The following SLC9A2 variants were observed in gnomAD, a reference collection of about 807,000 sequenced individuals.
SLC9A2 encodes the protein solute carrier family 9 member A2, also known as sodium/hydrogen exchanger 2.
SLC9A2 carries 42 observed loss-of-function variants against 71.7 expected under a neutral mutation model. That is an observed-to-expected ratio of 0.59 (90% confidence interval 0.46 to 0.76). SLC9A2 has a LOEUF of 0.76. Ranked by LOEUF, SLC9A2 falls within the 30% of genes least tolerant of loss-of-function variation. The probability of loss-of-function intolerance (pLI) is 0.00; values close to 1 mark genes in which losing one functional copy is unlikely to be tolerated. For synonymous variants in SLC9A2, 396 were observed against 392.5 expected (o/e 1.01, Z -0.10); for missense variants, 829 against 1,017.4 (o/e 0.81, Z 2.52).
At chr2:102,652,396 C>T (rs541433218) in intron 1 of SLC9A2, among the ~76,000 whole-genome samples, 4 of 152,246 alleles carry the variant, frequency 2.6e-5, no homozygotes, top group South Asian at 4.1e-4. Context: ...CCAAGCACCT[C>T]GTAACCAGGC....
At chr2:102,684,407 T>A in intron 5 of SLC9A2, 71 bp downstream of exon 5, 1 of 1,385,100 alleles carries the variant, frequency 7.2e-7, no homozygotes. Flanking sequence ...GTTTACAGGA[T>A]GCAAAGTAGC....
At chr2:102,626,558 C>A (rs1278510609) in intron 1 of SLC9A2, among the ~76,000 whole-genome samples, 3 of 152,100 alleles carry the variant, frequency 2.0e-5, no homozygotes, top group Admixed American at 1.3e-4. Flanking sequence ...CAACAAAAGC[C>A]AAAATTGACA....
At chr2:102,628,999 CTA>C (rs1290558688) in intron 1 of SLC9A2, among the ~76,000 whole-genome samples, 1 of 152,002 alleles carries the variant, frequency 6.6e-6, no homozygotes, top group Non-Finnish European at 1.5e-5. Context: ...TGTGTATTCT[CTA>C]TTTATTGTGT....
At chr2:102,704,522 C>A in intron 9 of SLC9A2, 22 bp from the exon 10 acceptor site, 1 of 1,606,638 alleles carries the variant, frequency 6.2e-7, no homozygotes, top group South Asian at 1.1e-5. Flanking sequence ...TTTTTAATGT[C>A]CTCTATATGT....
Position 102,704,646 on chromosome 2 carries a change from A to C in SLC9A2, c.1948A>C (p.Lys650Gln). 1 of 1,613,122 alleles carries C rather than the reference A, an allele frequency of 6.2e-7. No homozygotes were observed. The highest frequency in any genetic ancestry group is 8.5e-7 in the Non-Finnish European group (1 of 1,179,342). Reference protein sequence around the residue: ...RRHSLRESIRKDSSLNREHRA... With the variant: ...RRHSLRESIRQDSSLNREHRA... ...ACACAGTTTGCGAGAAAGCATTAGGAAGGACAGCAGCTTGAATCGAGAACA... is the reference window on the plus strand; with the variant it reads ...ACACAGTTTGCGAGAAAGCATTAGGCAGGACAGCAGCTTGAATCGAGAACA... Residue 650 changes from lysine (K) to glutamine (Q), a missense_variant, in exon 10 of 12, where the codon AAG (lysine) becomes CAG (glutamine). Transcript: ENST00000233969.
chr2:102,627,122 C>G (rs1307836823), intron 1 of SLC9A2, among the ~76,000 whole-genome samples: 1 of 141,830 alleles, frequency 7.1e-6, no homozygotes, highest in Non-Finnish European at 1.5e-5. Context: ...CCAATCTCTT[C>G]AAAATGTTAA....
chr2:102,646,336 C>T (rs755158251), intron 1 of SLC9A2, among the ~76,000 whole-genome samples: 1 of 152,120 alleles, frequency 6.6e-6, no homozygotes, highest in Non-Finnish European at 1.5e-5. Flanking sequence ...CAGTACAGGC[C>T]ACTGCAAAAA....
At chr2:102,686,025 C>T (rs184564420) in intron 5 of SLC9A2, among the ~76,000 whole-genome samples, 22 of 152,174 alleles carry the variant, frequency 1.4e-4, no homozygotes, top group South Asian at 6.2e-4. Context: ...TAAGAATGAG[C>T]GATCGGTAAA....
chr2:102,665,616 T>C (rs1677119615), intron 3 of SLC9A2, among the ~76,000 whole-genome samples: 1 of 150,848 alleles, frequency 6.6e-6, no homozygotes, highest in African/African-American at 2.4e-5. Context: ...CTACTAAAAA[T>C]ACAAAAAATT....
chr2:102,686,050 A>G (rs12992196), intron 5 of SLC9A2, among the ~76,000 whole-genome samples: 49,493 of 152,120 alleles, frequency 0.33, 8,721 homozygotes, highest in East Asian at 0.52. Context: ...GAGGAAGATC[A>G]GGAGATGTGC....
chr2:102,672,291 G>A (rs1037343482), intron 3 of SLC9A2, among the ~76,000 whole-genome samples: 4 of 152,008 alleles, frequency 2.6e-5, no homozygotes, highest in Admixed American at 6.6e-5. Context: ...GTTTCTTTTC[G>A]TGTTTTTCAC....
chr2:102,666,440 A>AC (rs1191960657), intron 3 of SLC9A2, among the ~76,000 whole-genome samples: 3 of 151,348 alleles, frequency 2.0e-5, no homozygotes, highest in African/African-American at 4.9e-5. Flanking sequence ...CACGCGATCC[A>AC]CCCCCCTTGG....
intron 1 of SLC9A2, among the ~76,000 whole-genome samples, chr2:102,652,989 C>A (rs1676862619): frequency 6.6e-6 from 1 of 152,194 alleles, no homozygotes; most frequent in South Asian, 2.1e-4. Flanking sequence ...ATTCTGTGAA[C>A]AATGAAATTT....
chr2:102,641,879 C>A (rs1373109461), intron 1 of SLC9A2, among the ~76,000 whole-genome samples: 2 of 137,970 alleles, frequency 1.4e-5, no homozygotes, highest in East Asian at 2.1e-4. Context: ...TGGGGAACAT[C>A]ACACACCAGG....
chr2:102,671,835 G>A (rs1002420760), intron 3 of SLC9A2, among the ~76,000 whole-genome samples: 1 of 152,240 alleles, frequency 6.6e-6, no homozygotes, highest in Admixed American at 6.5e-5. Context: ...GCTGAGTGTG[G>A]TGGCTCACGC....
chr2:102,676,664 G>C (rs1238030560), intron 3 of SLC9A2, among the ~76,000 whole-genome samples: 2 of 152,160 alleles, frequency 1.3e-5, no homozygotes, highest in African/African-American at 4.8e-5. Flanking sequence ...TTGGTTGTCA[G>C]GTTTTCTGGA....
intron 3 of SLC9A2, 44 bp downstream of exon 3, chr2:102,665,394 T>C (rs370988516): frequency 4.1e-5 from 64 of 1,559,546 alleles, no homozygotes; most frequent in Non-Finnish European, 5.3e-5. Context: ...GGCATTTCAT[T>C]GAATGCATGC....
At chr2:102,626,508 A>G (rs551156573) in intron 1 of SLC9A2, among the ~76,000 whole-genome samples, 14 of 152,342 alleles carry the variant, frequency 9.2e-5, no homozygotes, top group African/African-American at 3.4e-4. Context: ...GGACATAGGC[A>G]TGGGCAAGGA....
At position 102,657,671 on chromosome 2, in the gene SLC9A2, C is replaced by T. The variant is rs1676969458; in HGVS notation, c.397C>T (p.Pro133Ser). The stretch of plus-strand genomic sequence containing the variant: ...TATTTTTGGTGTTGATGAGAAGTCT[C>T]CCCCTGCAATGAAGACTGATGTATT... ...GIIFGVDEKS[P>S]PAMKTDVFFL... The change falls in exon 2 of 12, where the codon CCC (proline) becomes TCC (serine). Residue 133 changes from proline (P) to serine (S), a missense_variant. Coordinates refer to ENST00000233969, the MANE Select transcript of SLC9A2 (RefSeq NM_003048.6). 1 of 1,613,730 alleles carries T rather than the reference C, an allele frequency of 6.2e-7. No homozygotes were observed. The highest frequency in any genetic ancestry group is 8.5e-7 in the Non-Finnish European group (1 of 1,179,638).
Sources: allele counts gnomAD v4.1 joint callset (sites outside exome capture counted in the v4.1 genomes callset), GRCh38; gene constraint gnomAD v4.1.1; transcripts MANE v1.5; gene names NCBI Gene and HGNC (gene_info 2026-07-23, HGNC 2026-07-21).